Variants in ENO4 observed in about 807,000 individuals in gnomAD.
The protein encoded by ENO4 is 2-phospho-D-glycerate hydro-lyase.
In ENO4, 53 loss-of-function variants were observed where a neutral mutation model predicts 63.2. That is an observed-to-expected ratio of 0.84 (90% CI 0.67 to 1.05). The LOEUF (loss-of-function observed/expected upper bound fraction) is 1.05, where lower values mean the gene tolerates loss of function less well. Ranked by LOEUF, ENO4 falls within the 50% of genes least tolerant of loss-of-function variation. The probability of loss-of-function intolerance (pLI) is 0.00; values close to 1 mark genes in which losing one functional copy is unlikely to be tolerated. For missense variants in ENO4, 719 were observed against 772.0 expected (o/e 0.93, Z 0.81); for synonymous variants, 266 against 283.8 (o/e 0.94, Z 0.63).
chr10:116,895,019 C>G (rs1847466615), intron 10 of ENO4, among the ~76,000 whole-genome samples: 1 of 152,102 alleles, frequency 6.6e-6, no homozygotes, highest in African/African-American at 2.4e-5. Context: ...AACACAAACT[C>G]AAAGGTGTTA....
intron 10 of ENO4, among the ~76,000 whole-genome samples, chr10:116,888,427 T>C (rs139915660): frequency 1.3e-5 from 2 of 152,316 alleles, no homozygotes; most frequent in Admixed American, 6.5e-5. Flanking sequence ...GCACTAGTCA[T>C]GCCGTCTGTG....
downstream of ENO4, chr10:116,884,198 T>C (rs1408600751): frequency 2.2e-6 from 1 of 456,906 alleles, no homozygotes; most frequent in South Asian, 1.5e-5. Context: ...TGAACATACC[T>C]TGCAGATATA....
In ENO4 at chr10:116,879,449, G is replaced by A. The variant is rs1218591286; in HGVS notation, c.1605+91G>A. On this transcript the variant is annotated intron_variant, in intron 12 of 13. Transcript: ENST00000341276. Reference sequence around the variant, plus strand: ...TGCAGTCTCTGGTGGAGAAAGGCATGTAACCTTTTATGAAATAGACTTGCT... The same window carrying A: ...TGCAGTCTCTGGTGGAGAAAGGCATATAACCTTTTATGAAATAGACTTGCT... The A allele has an allele frequency of 3.1e-6, 3 of 971,002 alleles. No individual in the cohort carries two copies. In the Admixed American group the frequency reaches 7.9e-5, roughly 26 times the overall value. 60.1% of individuals were successfully genotyped at this position (971,002 alleles called of 1,614,324 possible). A position where few individuals can be genotyped will look rare whatever the true frequency, so the allele number is the denominator to read the frequency against.
intron 9 of ENO4, among the ~76,000 whole-genome samples, chr10:116,872,112 G>A (rs995291480): frequency 6.6e-6 from 1 of 152,122 alleles, no homozygotes; most frequent in African/African-American, 2.4e-5. Context: ...CAAAAGAATC[G>A]CTTGAACCCA....
chr10:116,878,311 G>A (rs1340464310), intron 11 of ENO4, among the ~76,000 whole-genome samples: 1 of 152,226 alleles, frequency 6.6e-6, no homozygotes, highest in Non-Finnish European at 1.5e-5. Flanking sequence ...TGGTGCCAGA[G>A]GATGGAAGAA....
intron 10 of ENO4, among the ~76,000 whole-genome samples, chr10:116,875,408 T>C (rs527307450): frequency 2.0e-5 from 3 of 152,236 alleles, no homozygotes; most frequent in African/African-American, 7.2e-5. Context: ...TGCAGTGGCC[T>C]GATCACAGCT....
At chr10:116,902,039 A>G in intron 10 of ENO4, 1 of 1,283,364 alleles carries the variant, frequency 7.8e-7, no homozygotes, top group Non-Finnish European at 1.1e-6. Context: ...ATTAGCTGAA[A>G]ATCCCTCAAG....
At chr10:116,896,465 G>A (rs943841348) in intron 10 of ENO4, among the ~76,000 whole-genome samples, 3 of 152,066 alleles carry the variant, frequency 2.0e-5, no homozygotes, top group Non-Finnish European at 2.9e-5. Flanking sequence ...TGACTGTACT[G>A]CACGACACTC....
chr10:116,907,768 A>T, intron 10 of ENO4: 1 of 443,686 alleles, frequency 2.3e-6, no homozygotes, highest in Non-Finnish European at 4.6e-6. Flanking sequence ...AGAGGACATA[A>T]GAACCTCAAG....
At position 116,881,711 on chromosome 10, in the gene ENO4, G is replaced by A; in HGVS notation, c.*42G>A. 1 of 1,390,170 alleles carries A rather than the reference G, an allele frequency of 7.2e-7. No homozygotes were observed. Among genetic ancestry groups the A allele is most frequent in the Non-Finnish European group, 9.4e-7 (1 of 1,064,104 alleles). 86.1% of individuals were successfully genotyped at this position (1,390,170 alleles called of 1,614,324 possible). A position where few individuals can be genotyped will look rare whatever the true frequency, so the allele number is the denominator to read the frequency against. The stretch of plus-strand genomic sequence containing the variant: ...GGTTCCAGCCACACCATCAGTATTA[G>A]TAGACCGGGAGGTCTGAAGTACGGC... On this transcript the variant is annotated 3_prime_UTR_variant, in exon 14 of 14. Transcript: ENST00000341276.
At chr10:116,849,916 G>A in intron 1 of ENO4, 185 bp downstream of exon 1, 1 of 752,422 alleles carries the variant, frequency 1.3e-6, no homozygotes, top group Non-Finnish European at 2.3e-6. Context: ...GGGGTGAAGG[G>A]ATCTCCCCAG....
intron 10 of ENO4, among the ~76,000 whole-genome samples, chr10:116,897,145 T>C (rs1847552561): frequency 6.6e-6 from 1 of 152,134 alleles, no homozygotes; most frequent in Non-Finnish European, 1.5e-5. Flanking sequence ...TGTAAAAAGG[T>C]CTAAATGCAT....
Position 116,900,040 on chromosome 10 carries a change from C to T in ENO4, c.1195-11459C>T, listed in dbSNP as rs373423795. On this transcript the variant is annotated intron_variant, in intron 10 of 10. Coordinates refer to the ENO4 transcript ENST00000369207. ...TGTGCCAGTCTGGGTAAATAATTAC[C>T]TATACATACACAGAATTCTCAGATT... Among the ~76,000 whole-genome samples, 3 of 152,204 alleles carry T rather than the reference C, an allele frequency of 2.0e-5. No individual in the cohort carries two copies. In the East Asian group the frequency reaches 5.8e-4, roughly 29 times the overall value.
chr10:116,897,440 G>C (rs1350096516), intron 10 of ENO4, among the ~76,000 whole-genome samples: 1 of 152,156 alleles, frequency 6.6e-6, no homozygotes, highest in Non-Finnish European at 1.5e-5. Flanking sequence ...ACTCTGTACA[G>C]TATGTAATCT....
intron 10 of ENO4, among the ~76,000 whole-genome samples, chr10:116,875,766 G>C (rs1237293625): frequency 1.3e-5 from 2 of 152,268 alleles, no homozygotes; most frequent in African/African-American, 4.8e-5. Flanking sequence ...TTATAGACAA[G>C]AGTGGATGGG....
At chr10:116,856,142 C>T (rs1322488066) in intron 2 of ENO4, among the ~76,000 whole-genome samples, 1 of 152,122 alleles carries the variant, frequency 6.6e-6, no homozygotes, top group Non-Finnish European at 1.5e-5. Context: ...ATAATTTTAA[C>T]AATTCGTTTT....
chr10:116,870,928 G>A (rs1846675698), intron 8 of ENO4, among the ~76,000 whole-genome samples, 197 bp from the exon 9 acceptor site: 1 of 152,088 alleles, frequency 6.6e-6, no homozygotes, highest in African/African-American at 2.4e-5. Flanking sequence ...GGAAACCTCA[G>A]GAGTAAGAAA....
intron 6 of ENO4, among the ~76,000 whole-genome samples, chr10:116,861,886 T>C (rs534377041): frequency 7.6e-4 from 115 of 152,228 alleles, no homozygotes; most frequent in African/African-American, 2.7e-3. Flanking sequence ...CTTAAAATAG[T>C]TATTGCCTTA....
chr10:116,891,480 G>A (rs763073849), intron 10 of ENO4, among the ~76,000 whole-genome samples: 41 of 152,128 alleles, frequency 2.7e-4, no homozygotes, highest in African/African-American at 5.3e-4. Flanking sequence ...GGATAAAACC[G>A]CAACCATATT....
Sources: gnomAD v4.1 joint callset for allele counts (sites outside exome capture counted in the v4.1 genomes callset) on GRCh38, gnomAD v4.1.1 for gene constraint, MANE v1.5 for transcripts, NCBI Gene and HGNC (gene_info 2026-07-23, HGNC 2026-07-21) for gene names.